Variants in GLB1 observed in about 807,000 individuals in gnomAD.
GLB1 encodes the protein beta-galactosidase.
In GLB1, 56 loss-of-function variants were observed where a neutral mutation model predicts 74.0. The observed-to-expected ratio is 0.76, with a 90% CI of 0.61 to 0.94. The LOEUF is 0.94. Among genes scored for constraint, GLB1 ranks in the 40% least tolerant of loss-of-function variants. GLB1 has a pLI of 0.00. For missense variants in GLB1, 787 were observed against 845.5 expected, an observed-to-expected ratio of 0.93 and a Z score of 0.86; for synonymous variants, 323 against 323.6, an observed-to-expected ratio of 1.00 and a Z score of 0.02.
chr3:33,096,818 G>GC, intron 1 of GLB1, 193 bp downstream of exon 1: 5 of 1,362,632 alleles, frequency 3.7e-6, no homozygotes, highest in Non-Finnish European at 4.7e-6. Flanking sequence ...AAGGACGCGC[G>GC]CCCCGCCCGG....
At chr3:33,050,806 C>T (rs982597645) in intron 9 of GLB1, among the ~76,000 whole-genome samples, 9 of 152,108 alleles carry the variant, frequency 5.9e-5, no homozygotes, top group Non-Finnish European at 7.4e-5. Flanking sequence ...CAAAACAAAA[C>T]GTTAAAAGAA....
chr3:33,006,258 G>A (rs543588195), intron 15 of GLB1, among the ~76,000 whole-genome samples: 125 of 152,298 alleles, frequency 8.2e-4, no homozygotes, highest in Non-Finnish European at 1.1e-3. Context: ...CTGCCTGAGC[G>A]CCACCTCCTG....
intron 5 of GLB1, among the ~76,000 whole-genome samples, chr3:33,062,609 G>A (rs1413028282): frequency 6.6e-6 from 1 of 152,142 alleles, no homozygotes; most frequent in African/African-American, 2.4e-5. Flanking sequence ...CCAACATGGT[G>A]AAACCTCATC....
At chr3:33,065,880 T>C (rs564397843) in intron 4 of GLB1, among the ~76,000 whole-genome samples, 17 of 151,108 alleles carry the variant, frequency 1.1e-4, no homozygotes, top group South Asian at 2.1e-4. Context: ...GGCAGGAGAA[T>C]TGCTTGAACC....
intron 1 of GLB1, chr3:33,096,791 G>A (rs1031048964): frequency 1.5e-6 from 2 of 1,344,158 alleles, no homozygotes; most frequent in Non-Finnish European, 1.9e-6. Context: ...GAACGCACAA[G>A]CGACCGAGCT....
intron 2 of GLB1, among the ~76,000 whole-genome samples, chr3:33,072,284 C>T (rs1201233183): frequency 6.6e-6 from 1 of 152,184 alleles, no homozygotes; most frequent in African/African-American, 2.4e-5. Context: ...ATCATTGTTA[C>T]TTCTGTTTGC....
At position 32,997,111 on chromosome 3, in the gene GLB1, A is replaced by G; in HGVS notation, c.1968T>C (p.Pro656=). ...GTGGGGGCATGAGTCTTTTTTCAACAGGTTTGGAGGGATGATCGTAGGTCA... is the reference window on the plus strand; with the variant it reads ...GTGGGGGCATGAGTCTTTTTTCAACGGGTTTGGAGGGATGATCGTAGGTCA... ...SSVTYDHPSK[P]VEKRLMPPPP... is the part of the protein sequence containing the mutation. The change falls in exon 16 of 16, where the codon CCT becomes CCC. Residue 656 remains proline, a synonymous_variant. Transcript: ENST00000307363. 6.2e-7 allele frequency: 1 copy of G among 1,614,036 alleles called. No homozygotes were observed. The highest frequency in any genetic ancestry group is 2.2e-5 in the East Asian group (1 of 44,878).
At chr3:33,045,962 G>A (rs1039026503) in intron 10 of GLB1, among the ~76,000 whole-genome samples, 158 bp downstream of exon 10, 1 of 152,080 alleles carries the variant, frequency 6.6e-6, no homozygotes, top group African/African-American at 2.4e-5. Context: ...TCTTAACCAC[G>A]TGGGTACAAG....
intron 2 of GLB1, 122 bp from the exon 3 acceptor site, chr3:33,069,092 A>G: frequency 1.3e-6 from 2 of 1,534,068 alleles, no homozygotes; most frequent in South Asian, 2.3e-5. Flanking sequence ...GGCGCTTTGA[A>G]AGAAAAATTA....
chr3:33,089,037 A>T (rs1186606320), intron 1 of GLB1, among the ~76,000 whole-genome samples: 1 of 152,242 alleles, frequency 6.6e-6, no homozygotes, highest in Non-Finnish European at 1.5e-5. Flanking sequence ...TTAGAAAAGG[A>T]CAATTTCTTC....
At chr3:33,025,185 T>TC (rs1363248603) in intron 10 of GLB1, among the ~76,000 whole-genome samples, 1 of 152,180 alleles carries the variant, frequency 6.6e-6, no homozygotes, top group African/African-American at 2.4e-5. Flanking sequence ...TCTCAGGTGA[T>TC]CCGCCCGCCT....
At chr3:33,091,262 A>ATGG (rs1700747406) in intron 1 of GLB1, 4 of 985,412 alleles carry the variant, frequency 4.1e-6, no homozygotes, top group East Asian at 1.1e-4. Flanking sequence ...CACTGTCAAT[A>ATGG]CCGTGGCTGC....
chr3:33,079,033 A>T (rs557316173), intron 1 of GLB1, among the ~76,000 whole-genome samples: 161 of 152,296 alleles, frequency 1.1e-3, no homozygotes, highest in African/African-American at 3.8e-3. Context: ...GGTATTTGTA[A>T]TAATGTAAAT....
At chr3:33,016,005 A>G (rs13314478) in intron 14 of GLB1, among the ~76,000 whole-genome samples, 1 of 152,170 alleles carries the variant, frequency 6.6e-6, no homozygotes. Context: ...TGCTCTAAAA[A>G]TATGTGTTAG....
intron 10 of GLB1, among the ~76,000 whole-genome samples, chr3:33,044,875 C>T (rs1183291253): frequency 6.6e-6 from 1 of 152,064 alleles, no homozygotes; most frequent in African/African-American, 2.4e-5. Context: ...GGAAACCCCA[C>T]CTAGGTGCAT....
At chr3:33,011,506 G>A (rs1697023859) in intron 15 of GLB1, among the ~76,000 whole-genome samples, 1 of 149,562 alleles carries the variant, frequency 6.7e-6, no homozygotes, top group Non-Finnish European at 1.5e-5. Flanking sequence ...TTAGCCAGGA[G>A]TGGTGGTGTG....
chr3:33,084,749 TTTAAAA>T (rs1343845205), intron 1 of GLB1, among the ~76,000 whole-genome samples: 1 of 152,194 alleles, frequency 6.6e-6, no homozygotes, highest in Non-Finnish European at 1.5e-5. Context: ...ATGTAATTTC[TTTAAAA>T]TTAAAAACAT....
In GLB1 at chr3:33,096,995, G is replaced by T. The variant is rs1395017097; in HGVS notation, c.75+16C>A. Reference sequence around the variant, plus strand: ...CCCTAGCAATGCCTCCCCGTACCCGGGTCCCGCAGACTTACGCGCAAGCCG... The same window carrying T: ...CCCTAGCAATGCCTCCCCGTACCCGTGTCCCGCAGACTTACGCGCAAGCCG... On this transcript the variant is annotated intron_variant, in intron 1 of 15. Transcript: ENST00000307363. 6.2e-7 allele frequency: 1 copy of T among 1,610,594 alleles called. No individual in the cohort carries two copies. Among genetic ancestry groups the T allele is most frequent in the Admixed American group, 1.7e-5 (1 of 59,652 alleles).
chr3:33,031,641 ATATATATATATAT>A (rs1410498825), intron 10 of GLB1, among the ~76,000 whole-genome samples: 13 of 18,946 alleles, frequency 6.9e-4, no homozygotes, highest in African/African-American at 1.6e-3. Context: ...AAAAAAAAAA[ATATATATATATAT>A]ATATATATAT....
Sources: gnomAD v4.1 joint callset for allele counts (sites outside exome capture counted in the v4.1 genomes callset) on GRCh38, gnomAD v4.1.1 for gene constraint, MANE v1.5 for transcripts, NCBI Gene and HGNC (gene_info 2026-07-23, HGNC 2026-07-21) for gene names.